The following COQ2 variants were observed in gnomAD, a reference collection of about 807,000 sequenced individuals.
COQ2 encodes the protein 4-hydroxybenzoate polyprenyltransferase, mitochondrial.
Under a neutral mutation model 35.7 loss-of-function variants are expected in COQ2, and 25 were observed. The observed-to-expected ratio is 0.70, with a 90% CI of 0.51 to 0.98. The LOEUF (loss-of-function observed/expected upper bound fraction) is 0.98. Among genes scored for constraint, COQ2 ranks in the 50% least tolerant of loss-of-function variants. The pLI is 0.00. For missense variants in COQ2, 488 were observed against 473.5 expected, an observed-to-expected ratio of 1.03 and a Z score of -0.28; for synonymous variants, 206 against 186.2, an observed-to-expected ratio of 1.11 and a Z score of -0.86.
intron 1 of COQ2, chr4:83,281,304 G>C (rs914830499): frequency 1.3e-5 from 2 of 152,150 alleles, no homozygotes; most frequent in Non-Finnish European, 2.9e-5. Context: ...GGTACAATTA[G>C]AACAGAAGGT....
chr4:83,277,002 A>AT (rs1347326767), intron 2 of COQ2, among the ~76,000 whole-genome samples: 1 of 151,356 alleles, frequency 6.6e-6, no homozygotes, highest in East Asian at 1.9e-4. Context: ...ACACAGAGAC[A>AT]TACAGAGTGG....
intron 4 of COQ2, among the ~76,000 whole-genome samples, chr4:83,271,504 T>G (rs1348659146): frequency 6.6e-6 from 1 of 152,070 alleles, no homozygotes; most frequent in African/African-American, 2.4e-5. Flanking sequence ...ATACCTAGAT[T>G]TTTAAAAAAG....
At position 83,284,625 on chromosome 4, in the gene COQ2, G is replaced by C; in HGVS notation, c.140C>G (p.Ala47Gly). 1 of 1,515,680 alleles carries C rather than the reference G, an allele frequency of 6.6e-7. No homozygotes were observed. Among genetic ancestry groups the C allele is most frequent in the South Asian group, 1.2e-5 (1 of 80,946 alleles). The allele number at this position is 1,515,680 out of a possible 1,614,324, so 93.9% of individuals were successfully genotyped here. ...CTGGCGCCCGCGCGGCTCGGGACAGGCGGGGGGCTGCAAGTCACCACCGTG... is the reference window on the plus strand; with the variant it reads ...CTGGCGCCCGCGCGGCTCGGGACAGCCGGGGGGCTGCAAGTCACCACCGTG... ...APHGGDLQPP[A>G]CPEPRGRQLS... Residue 47 changes from alanine (A) to glycine (G), a missense_variant, in exon 1 of 7, where the codon GCC becomes GGC. Ala to Gly is a moderately conservative substitution (Grantham distance 60, BLOSUM62 0). Coordinates refer to ENST00000647002, the MANE Select transcript of COQ2 (RefSeq NM_001358921.2).
chr4:83,283,608 T>C, intron 1 of COQ2: 1 of 985,466 alleles, frequency 1.0e-6, no homozygotes, highest in South Asian at 4.7e-5. Context: ...TCACTCATAT[T>C]TGATCCATAT....
chr4:83,267,946 C>T (rs1444110196), intron 5 of COQ2, among the ~76,000 whole-genome samples, 172 bp from the exon 6 acceptor site: 17 of 152,046 alleles, frequency 1.1e-4, no homozygotes, highest in Admixed American at 9.8e-4. Flanking sequence ...TGCAGATATA[C>T]CATAAGCGGT....
chr4:83,275,982 C>CATATATATTTTT (rs1169337897), intron 2 of COQ2, among the ~76,000 whole-genome samples: 3,095 of 138,516 alleles, frequency 0.022, 137 homozygotes, highest in African/African-American at 0.089. Flanking sequence ...AAGCCTCATT[C>CATATATATTTTT]ATATATATTT....
chr4:83,283,216 T>C (rs2126176557), intron 1 of COQ2: 1 of 949,736 alleles, frequency 1.1e-6, no homozygotes, highest in Non-Finnish European at 1.3e-6. Context: ...CAAGGCCTAA[T>C]TCGGGTCTTG....
At chr4:83,264,991 C>G (rs1734877561) in intron 6 of COQ2, among the ~76,000 whole-genome samples, 1 of 152,164 alleles carries the variant, frequency 6.6e-6, no homozygotes, top group African/African-American at 2.4e-5. Context: ...TTTATTATAA[C>G]CAAAAATGCC....
chr4:83,269,229 G>T (rs11945738), intron 5 of COQ2, among the ~76,000 whole-genome samples: 113,870 of 152,068 alleles, frequency 0.75, 42,835 homozygotes, highest in East Asian at 0.85. Flanking sequence ...GAGAAACTGT[G>T]AATTTTTTTT....
intron 1 of COQ2, chr4:83,283,879 C>T: frequency 1.0e-6 from 1 of 985,444 alleles, no homozygotes; most frequent in Non-Finnish European, 1.2e-6. Flanking sequence ...GAAAATCTTT[C>T]TGTCGGGGGC....
At chr4:83,282,877 C>A (rs142035644) in intron 1 of COQ2, among the ~76,000 whole-genome samples, 1,568 of 152,228 alleles carry the variant, frequency 0.01, 14 homozygotes, top group Non-Finnish European at 0.017. Context: ...TGTTACATGG[C>A]GGAAGGTCCA....
intron 6 of COQ2, among the ~76,000 whole-genome samples, chr4:83,266,463 T>G (rs1400195245): frequency 6.6e-6 from 1 of 151,984 alleles, no homozygotes; most frequent in Non-Finnish European, 1.5e-5. Context: ...GTTCAAGCGA[T>G]TCTCCCGCCT....
rs569982552 is a variant in COQ2, at chr4:83,270,300, G to T, written c.629-307C>A. On this transcript the variant is annotated intron_variant, in intron 4 of 6. Transcript: ENST00000647002. ...GAAGATTTATCCCACCTAATATGGT[G>T]CACGGCACTACCAATAACAGAAGAT... 1.7e-4 allele frequency among the ~76,000 whole-genome samples: 26 copies of T among 152,222 alleles called. 1 individual carries two copies. In the East Asian group the frequency reaches 2.9e-3, roughly 17 times the overall value.
At chr4:83,275,945 G>A (rs1320578852) in intron 2 of COQ2, among the ~76,000 whole-genome samples, 1 of 146,736 alleles carries the variant, frequency 6.8e-6, no homozygotes, top group African/African-American at 2.6e-5. Context: ...ACATGTTCAA[G>A]AATTATCTTG....
At position 83,280,988 on chromosome 4, in the gene COQ2, C is replaced by T. The variant is rs1268477286; in HGVS notation, c.254-1874G>A. On this transcript the variant is annotated intron_variant, in intron 1 of 6. Transcript: ENST00000647002. ...TATATTTACATTAGAGACAGGGTCT[C>T]GCTCTCTTGCCGAGGCTGGAGTGCA... 2.6e-5 allele frequency among the ~76,000 whole-genome samples: 4 copies of T among 152,162 alleles called. No individual in the cohort carries two copies. In the East Asian group the frequency reaches 7.7e-4, roughly 29 times the overall value.
At position 83,284,514 on chromosome 4, in the gene COQ2, A is replaced by G. The variant is rs779491618; in HGVS notation, c.251T>C (p.Ile84Thr). The change falls in exon 1 of 7, where the codon ATT becomes ACT. Residue 84 changes from isoleucine to threonine, a missense_variant and splice_region_variant. Transcript: ENST00000647002. The part of the protein sequence containing the change: ...YLRLMRLDKP[I>T]GTWLLYLPCT... Reference sequence around the variant, plus strand: ...GCTGCCCGCCCGCCCGCACTCACCAATGGGCTTGTCCAACCGCATGAGGCG... The same window carrying G: ...GCTGCCCGCCCGCCCGCACTCACCAGTGGGCTTGTCCAACCGCATGAGGCG... The G allele has an allele frequency of 1.3e-6, 2 of 1,571,254 alleles. No homozygotes were observed. Among genetic ancestry groups the G allele is most frequent in the Non-Finnish European group, 8.6e-7 (1 of 1,160,392 alleles).
intron 2 of COQ2, among the ~76,000 whole-genome samples, chr4:83,276,530 T>C (rs1009814298): frequency 1.3e-5 from 2 of 152,168 alleles, no homozygotes; most frequent in African/African-American, 4.8e-5. Flanking sequence ...TCAGAATGGC[T>C]ATTAGAAAGT....
intron 4 of COQ2, 137 bp downstream of exon 4, chr4:83,271,950 A>G (rs1466100180): frequency 3.4e-6 from 2 of 591,944 alleles, no homozygotes; most frequent in South Asian, 2.0e-5. Flanking sequence ...GCTCTCCTTT[A>G]AAGTACGAAA....
Position 83,267,794 on chromosome 4 carries a change from TA to T in COQ2, c.763-21del. 1 of 1,518,428 alleles carries T rather than the reference TA, an allele frequency of 6.6e-7. No homozygotes were observed. 94.1% of individuals were successfully genotyped at this position (1,518,428 alleles called of 1,614,324 possible). A position where few individuals can be genotyped will look rare whatever the true frequency, so the allele number is the denominator to read the frequency against. On this transcript the variant is annotated intron_variant, in intron 5 of 6. Coordinates refer to ENST00000647002, the MANE Select transcript of COQ2 (RefSeq NM_001358921.2). ...TTTGTCCTAATATCAGAAAGAAAAA[TA>T]AACTGTTTTTTGAGATTTAGTTCAC...
Sources: gnomAD v4.1 joint callset for allele counts (sites outside exome capture counted in the v4.1 genomes callset) on GRCh38, gnomAD v4.1.1 for gene constraint, MANE v1.5 for transcripts, NCBI Gene and HGNC (gene_info 2026-07-23, HGNC 2026-07-21) for gene names.